The following CACNA2D1 variants were observed in gnomAD, a reference collection of about 807,000 sequenced individuals.
The protein encoded by CACNA2D1 is voltage-dependent calcium channel subunit alpha-2/delta-1.
CACNA2D1 carries 53 observed loss-of-function variants against 171.5 expected under a neutral mutation model. That is an observed-to-expected ratio of 0.31 (90% confidence interval 0.25 to 0.39). CACNA2D1 has a LOEUF of 0.39. Among genes scored for constraint, CACNA2D1 ranks in the 10% least tolerant of loss-of-function variants. CACNA2D1 has a pLI of 1.00. For missense variants in CACNA2D1, 903 were observed against 1,299.8 expected (o/e 0.69, Z 4.69); for synonymous variants, 442 against 443.1 (o/e 1.00, Z 0.03).
intron 12 of CACNA2D1, among the ~76,000 whole-genome samples, chr7:82,017,529 T>A (rs1240471365): frequency 6.6e-6 from 1 of 152,120 alleles, no homozygotes; most frequent in East Asian, 1.9e-4. Flanking sequence ...ACTATGCTAC[T>A]GCCACCATGT....
chr7:82,116,070 A>G (rs997143480), intron 6 of CACNA2D1, among the ~76,000 whole-genome samples: 11 of 152,138 alleles, frequency 7.2e-5, no homozygotes, highest in African/African-American at 2.7e-4. Flanking sequence ...TTCCAAATAC[A>G]CTCTACCGCG....
At chr7:82,103,884 TAACTG>T (rs748197070) in intron 6 of CACNA2D1, among the ~76,000 whole-genome samples, 4 of 152,170 alleles carry the variant, frequency 2.6e-5, no homozygotes, top group Non-Finnish European at 4.4e-5. Context: ...TTCATAAACT[TAACTG>T]AACTTTATTT....
At chr7:82,278,456 G>GC (rs1231735506) in intron 3 of CACNA2D1, among the ~76,000 whole-genome samples, 4 of 151,340 alleles carry the variant, frequency 2.6e-5, no homozygotes, top group Non-Finnish European at 2.9e-5. Context: ...TACTCAGGAG[G>GC]CTGAGGCAGG....
At chr7:82,072,026 T>C (rs1808373557) in intron 7 of CACNA2D1, among the ~76,000 whole-genome samples, 1 of 152,194 alleles carries the variant, frequency 6.6e-6, no homozygotes, top group Non-Finnish European at 1.5e-5. Context: ...AGCACTGATT[T>C]ACCTATTCGG....
At position 82,064,348 on chromosome 7, in the gene CACNA2D1, G is replaced by A. The variant is rs1281680153; in HGVS notation, c.735C>T (p.Ile245=). Residue 245 remains isoleucine, a synonymous_variant, in exon 9 of 39, where the codon ATC becomes ATT. Coordinates refer to ENST00000356860, the MANE Select transcript of CACNA2D1 (RefSeq NM_000722.4). ...TGTCTTTAGGAGATGCAGCTCCTTGGATGTACCTGAAACAAATATTGTAAT... is the reference window on the plus strand; with the variant it reads ...TGTCTTTAGGAGATGCAGCTCCTTGAATGTACCTGAAACAAATATTGTAAT... ...LYDVRRRPWY[I]QGAASPKDML... is the part of the protein sequence containing the mutation. 2.4e-5 allele frequency: 39 copies of A among 1,602,136 alleles called. No homozygotes were observed. Among genetic ancestry groups the A allele is most frequent in the Non-Finnish European group, 3.2e-5 (37 of 1,170,138 alleles).
intron 1 of CACNA2D1, among the ~76,000 whole-genome samples, chr7:82,387,053 CTGTT>C (rs999006561): frequency 1.3e-5 from 2 of 151,922 alleles, no homozygotes; most frequent in Non-Finnish European, 2.9e-5. Context: ...GAGTTGTTGA[CTGTT>C]TAATTATTAA....
intron 2 of CACNA2D1, among the ~76,000 whole-genome samples, chr7:82,337,744 C>T (rs1818168798): frequency 6.6e-6 from 1 of 152,120 alleles, no homozygotes; most frequent in African/African-American, 2.4e-5. Context: ...CGTTTTTTCT[C>T]TACTAGAAAG....
chr7:82,290,677 A>G (rs1351217771), intron 3 of CACNA2D1, among the ~76,000 whole-genome samples: 1 of 150,654 alleles, frequency 6.6e-6, no homozygotes, highest in Non-Finnish European at 1.5e-5. Context: ...GCTCACCACA[A>G]CCTCTGCCTC....
At chr7:82,111,444 A>ATATATATATT (rs1207440298) in intron 6 of CACNA2D1, among the ~76,000 whole-genome samples, 10 of 69,958 alleles carry the variant, frequency 1.4e-4, no homozygotes, top group African/African-American at 5.4e-4. Context: ...ATATATATAT[A>ATATATATATT]TTTTTTTTTT....
intron 4 of CACNA2D1, among the ~76,000 whole-genome samples, chr7:82,161,622 G>A (rs1794958913): frequency 6.6e-6 from 1 of 152,040 alleles, no homozygotes; most frequent in Non-Finnish European, 1.5e-5. Flanking sequence ...TTAACTGGAG[G>A]AGAAAGTGAT....
intron 4 of CACNA2D1, among the ~76,000 whole-genome samples, chr7:82,143,105 G>A (rs1792586263): frequency 1.3e-5 from 2 of 151,758 alleles, no homozygotes; most frequent in Non-Finnish European, 2.9e-5. Flanking sequence ...CAGTGCTCCA[G>A]GAAAAAAAGT....
At chr7:82,420,667 A>T (rs1828633119) in intron 1 of CACNA2D1, among the ~76,000 whole-genome samples, 1 of 152,192 alleles carries the variant, frequency 6.6e-6, no homozygotes, top group Non-Finnish European at 1.5e-5. Context: ...TACACTTTAA[A>T]AGGAATAATT....
intron 1 of CACNA2D1, among the ~76,000 whole-genome samples, chr7:82,366,576 G>C: frequency 8.7e-6 from 1 of 114,508 alleles, no homozygotes; most frequent in East Asian, 2.7e-4. Flanking sequence ...ATATGGCTGT[G>C]AAGTATTTCA....
rs142578845 is a variant in CACNA2D1 at position 82,284,746 on chromosome 7, T to C, written c.294+50389A>G. On this transcript the variant is annotated intron_variant, in intron 3 of 38. Transcript: ENST00000356860. The stretch of plus-strand genomic sequence containing the variant: ...ACCTGTGAGAGGCCTCACCTCATAA[T>C]ACCATCACCTTGAGGGTTAAGTTCC... Among the ~76,000 whole-genome samples, 75 of 152,232 alleles carry C rather than the reference T, an allele frequency of 4.9e-4. 2 individuals carry two copies. In the South Asian group the frequency reaches 0.013, roughly 26 times the overall value.
chr7:82,365,140 C>G (rs1218700831), intron 1 of CACNA2D1, among the ~76,000 whole-genome samples: 2 of 152,008 alleles, frequency 1.3e-5, no homozygotes, highest in Non-Finnish European at 2.9e-5. Flanking sequence ...GTGGGGAAGA[C>G]AGTAGAAAAA....
intron 1 of CACNA2D1, among the ~76,000 whole-genome samples, chr7:82,418,193 A>G (rs1218997293): frequency 6.6e-6 from 1 of 152,198 alleles, no homozygotes; most frequent in African/African-American, 2.4e-5. Flanking sequence ...AGTTCCTTAT[A>G]AAACCATCAA....
At chr7:82,149,483 G>A (rs553639820) in intron 4 of CACNA2D1, among the ~76,000 whole-genome samples, 68 of 152,102 alleles carry the variant, frequency 4.5e-4, no homozygotes, top group Admixed American at 1.7e-3. Context: ...AGGCTATATA[G>A]AATTTCACTC....
intron 10 of CACNA2D1, among the ~76,000 whole-genome samples, chr7:82,044,660 A>G (rs1035096057): frequency 1.3e-5 from 2 of 152,200 alleles, no homozygotes; most frequent in African/African-American, 4.8e-5. Flanking sequence ...AAATTATGGT[A>G]TCAGACACTA....
rs771181437 is a variant in CACNA2D1 at position 81,991,135 on chromosome 7, TAATATTA to T, written c.1796+43_1796+49del. 3.2e-5 allele frequency: 29 copies of T among 904,378 alleles called. No individual in the cohort carries two copies. The African/African-American group carries it at 4.4e-4, about 14-fold the overall frequency. 56.0% of individuals were successfully genotyped at this position (904,378 alleles called of 1,614,324 possible). On this transcript the variant is annotated intron_variant, in intron 21 of 38. Transcript: ENST00000356860. ...AAATTCACTTGTGAAAATGCAGACT[TAATATTA>T]ATCCATTGGAATACACAATACACAT...
Sources: allele counts gnomAD v4.1 joint callset (sites outside exome capture counted in the v4.1 genomes callset), GRCh38; gene constraint gnomAD v4.1.1; transcripts MANE v1.5; gene names NCBI Gene and HGNC (gene_info 2026-07-23, HGNC 2026-07-21).